The following CALN1 variants were observed in gnomAD, a reference collection of about 807,000 sequenced individuals.
CALN1 encodes the protein calneuron 1, also known as calcium-binding protein 8.
CALN1 carries 17 observed loss-of-function variants against 30.6 expected under a neutral mutation model. That is an observed-to-expected ratio of 0.56 (90% confidence interval 0.38 to 0.83). The LOEUF (loss-of-function observed/expected upper bound fraction) is 0.83. Among genes scored for constraint, CALN1 ranks in the 40% least tolerant of loss-of-function variants. The pLI is 0.00. For missense variants in CALN1, 291 were observed against 354.9 expected (o/e 0.82, Z 1.45); for synonymous variants, 156 against 131.4 (o/e 1.19, Z -1.28).
At chr7:72,365,610 T>G (rs2129560028) in intron 2 of CALN1, among the ~76,000 whole-genome samples, 1 of 152,176 alleles carries the variant, frequency 6.6e-6, no homozygotes, top group African/African-American at 2.4e-5. Flanking sequence ...TTTAAATTTT[T>G]TTGTAGACAC....
intron 3 of CALN1, among the ~76,000 whole-genome samples, chr7:72,256,583 T>G (rs1445199668): frequency 6.7e-6 from 1 of 149,478 alleles, no homozygotes; most frequent in Non-Finnish European, 1.5e-5. Context: ...CTTCACACTT[T>G]CCAGTTTTGT....
chr7:72,410,790 C>T (rs1237707094), intron 1 of CALN1, among the ~76,000 whole-genome samples: 1 of 151,404 alleles, frequency 6.6e-6, no homozygotes, highest in African/African-American at 2.4e-5. Context: ...TATCAGCTCA[C>T]GAGCCAGCAC....
intron 1 of CALN1, among the ~76,000 whole-genome samples, chr7:72,426,290 C>A (rs950802719): frequency 2.6e-5 from 4 of 152,222 alleles, no homozygotes; most frequent in African/African-American, 9.7e-5. Flanking sequence ...CCATCCAAAT[C>A]TCATCTTGAA....
chr7:72,285,582 G>A (rs901066549), intron 2 of CALN1, among the ~76,000 whole-genome samples: 18 of 152,006 alleles, frequency 1.2e-4, no homozygotes, highest in African/African-American at 4.1e-4. Context: ...ACAAATGACC[G>A]AAACTAAAAA....
At chr7:72,161,425 A>T (rs1377404135) in intron 3 of CALN1, among the ~76,000 whole-genome samples, 2 of 152,140 alleles carry the variant, frequency 1.3e-5, no homozygotes, top group African/African-American at 4.8e-5. Context: ...TAATGTCATA[A>T]ATCAGTTGAA....
At chr7:72,048,918 C>T (rs984014004) in intron 4 of CALN1, among the ~76,000 whole-genome samples, 3 of 152,026 alleles carry the variant, frequency 2.0e-5, no homozygotes, top group Non-Finnish European at 4.4e-5. Flanking sequence ...CCAAGCAATC[C>T]TCCCACTTCA....
At chr7:72,157,194 T>C (rs1297480212) in intron 3 of CALN1, among the ~76,000 whole-genome samples, 1 of 152,180 alleles carries the variant, frequency 6.6e-6, no homozygotes, top group African/African-American at 2.4e-5. Flanking sequence ...CACTTACCCA[T>C]TTGGCAAATA....
At chr7:71,797,521 C>T (rs1462489712) in intron 6 of CALN1, among the ~76,000 whole-genome samples, 2 of 152,162 alleles carry the variant, frequency 1.3e-5, no homozygotes, top group Admixed American at 6.5e-5. Flanking sequence ...GATGTGGCTT[C>T]TATGGAATAA....
chr7:71,873,296 C>T (rs573445729), intron 5 of CALN1, among the ~76,000 whole-genome samples: 1 of 152,204 alleles, frequency 6.6e-6, no homozygotes, highest in Non-Finnish European at 1.5e-5. Flanking sequence ...GTGTGAGCCA[C>T]CACGCCCAGC....
intron 3 of CALN1, among the ~76,000 whole-genome samples, chr7:72,203,931 G>A (rs546415298): frequency 4.2e-4 from 58 of 137,812 alleles, no homozygotes; most frequent in African/African-American, 1.5e-3. Flanking sequence ...CTTTCATAAT[G>A]TTCTTGCAGC....
chr7:72,116,611 T>C (rs1808002342), intron 3 of CALN1, among the ~76,000 whole-genome samples: 1 of 152,124 alleles, frequency 6.6e-6, no homozygotes, highest in Admixed American at 6.6e-5. Context: ...CAGCTAGCAC[T>C]AGCGGCCAGC....
At chr7:71,937,132 A>T (rs1795879816) in intron 5 of CALN1, among the ~76,000 whole-genome samples, 1 of 152,106 alleles carries the variant, frequency 6.6e-6, no homozygotes, top group Non-Finnish European at 1.5e-5. Flanking sequence ...CACGTAGGAA[A>T]CCCTGTCTCT....
At chr7:71,933,044 T>C (rs965198969) in intron 5 of CALN1, among the ~76,000 whole-genome samples, 2 of 152,014 alleles carry the variant, frequency 1.3e-5, no homozygotes, top group African/African-American at 4.8e-5. Flanking sequence ...CCAAATCATA[T>C]TCTAACAAAG....
chr7:72,308,136 G>A (rs941643837), intron 2 of CALN1, among the ~76,000 whole-genome samples: 13 of 152,138 alleles, frequency 8.5e-5, no homozygotes, highest in Non-Finnish European at 1.9e-4. Flanking sequence ...GGCCGAGGCA[G>A]GTGGATTGCT....
rs1792986965 is a variant in CALN1 at position 71,786,532 on chromosome 7, T to C, written c.*1243A>G. On this transcript the variant is annotated 3_prime_UTR_variant, in exon 7 of 7. Transcript: ENST00000395275. ...TCTGCAGGCAGGAGTAAATTACCTGTTCTGTTGGCTAAACTCATAAACATC... is the reference window on the plus strand; with the variant it reads ...TCTGCAGGCAGGAGTAAATTACCTGCTCTGTTGGCTAAACTCATAAACATC... The C allele has an allele frequency of 6.6e-6, 1 of 152,206 alleles. No individual in the cohort carries two copies. Among genetic ancestry groups the C allele is most frequent in the East Asian group, 1.9e-4 (1 of 5,196 alleles). 9.4% of individuals were successfully genotyped at this position (152,206 alleles called of 1,614,324 possible). A position where few individuals can be genotyped will look rare whatever the true frequency, so the allele number is the denominator to read the frequency against.
At chr7:72,415,698 G>A (rs888671533), upstream of CALN1, among the ~76,000 whole-genome samples, 9 of 152,182 alleles carry the variant, frequency 5.9e-5, no homozygotes, top group Admixed American at 1.3e-4. Context: ...TCTCAGTTTC[G>A]TCGATCCTCC....
upstream of CALN1, among the ~76,000 whole-genome samples, chr7:72,447,439 C>T (rs899608314): frequency 9.2e-5 from 14 of 152,108 alleles, no homozygotes; most frequent in Non-Finnish European, 1.9e-4. Flanking sequence ...ACTGCCTACC[C>T]TAGGAAGTAC....
intron 3 of CALN1, among the ~76,000 whole-genome samples, chr7:72,277,514 C>T (rs1797414572): frequency 6.6e-6 from 1 of 152,232 alleles, no homozygotes. Context: ...CACTCCACTT[C>T]TTCAAACATC....
At chr7:72,032,292 C>T (rs370178557) in intron 4 of CALN1, among the ~76,000 whole-genome samples, 155 of 152,098 alleles carry the variant, frequency 1.0e-3, no homozygotes, top group African/African-American at 3.5e-3. Flanking sequence ...GTGATCCGCC[C>T]GCCTTGGCCT....
Sources: allele counts gnomAD v4.1 joint callset (sites outside exome capture counted in the v4.1 genomes callset), GRCh38; gene constraint gnomAD v4.1.1; transcripts MANE v1.5; gene names NCBI Gene and HGNC (gene_info 2026-07-23, HGNC 2026-07-21).